The following CABIN1 variants were observed in gnomAD, a reference collection of about 807,000 sequenced individuals.
CABIN1 encodes the protein calcineurin binding protein 1.
Under a neutral mutation model 227.7 loss-of-function variants are expected in CABIN1, and 133 were observed. The observed-to-expected ratio is 0.58, with a 90% CI of 0.51 to 0.67. The LOEUF is 0.67. Ranked by LOEUF, CABIN1 falls within the 30% of genes least tolerant of loss-of-function variation. The probability of loss-of-function intolerance (pLI) is 0.00; values close to 1 mark genes in which losing one functional copy is unlikely to be tolerated. For missense variants in CABIN1, 2,408 were observed against 2,852.5 expected (o/e 0.84, Z 3.55); for synonymous variants, 1,086 against 1,155.1 (o/e 0.94, Z 1.21).
chr22:24,035,891 C>G (rs1458249790), intron 2 of CABIN1, among the ~76,000 whole-genome samples, 198 bp from the exon 3 acceptor site: 1 of 115,394 alleles, frequency 8.7e-6, no homozygotes, highest in Non-Finnish European at 1.8e-5. Context: ...CCCCCCTCGG[C>G]CCCCCACCCC....
chr22:24,050,835 A>G lies in CABIN1; in HGVS notation c.667A>G (p.Ile223Val). The G allele has an allele frequency of 6.2e-7, 1 of 1,614,204 alleles. No homozygotes were observed. ...CTCACATGCTTTTAGTGACATGTCG[A>G]TTCACGATGTTTCGGTGAGTGCAGC... Reference protein sequence around the residue: ...LRMFLKCDMSIHDVSVSAAET... With the variant: ...LRMFLKCDMSVHDVSVSAAET... Residue 223 changes from isoleucine (I) to valine (V), a missense_variant, in exon 8 of 37, where the codon ATT (isoleucine) becomes GTT (valine). Coordinates refer to ENST00000263119, the MANE Select transcript of CABIN1 (RefSeq NM_012295.4).
Position 24,055,067 on chromosome 22 carries a change from C to T in CABIN1, c.1001C>T (p.Ala334Val). 1 of 1,614,256 alleles carries T rather than the reference C, an allele frequency of 6.2e-7. No homozygotes were observed. The highest frequency in any genetic ancestry group is 8.5e-7 in the Non-Finnish European group (1 of 1,180,038). ...PSTVSTNPAVAVAEPVVSYTS... is the reference protein window; with the variant it reads ...PSTVSTNPAVVVAEPVVSYTS... ...ACTGTCAGCACCAACCCAGCTGTGG[C>T]TGTCGCCGAGCCTGTGGTCTCCTAC... The change falls in exon 9 of 37, where the codon GCT becomes GTT. Residue 334 changes from alanine (A) to valine (V), a missense_variant. By Grantham distance (64) the Ala-to-Val change is moderately conservative (BLOSUM62 0). Coordinates refer to ENST00000263119, the MANE Select transcript of CABIN1 (RefSeq NM_012295.4).
chr22:24,156,826 T>G (rs1466260406), intron 29 of CABIN1, among the ~76,000 whole-genome samples: 4 of 151,942 alleles, frequency 2.6e-5, no homozygotes, highest in Non-Finnish European at 1.5e-5. Flanking sequence ...TCCCATGCAC[T>G]TGGTTGTTTG....
Position 24,165,640 on chromosome 22 carries a change from GTCC to G in CABIN1, c.5007+20_5007+22del, listed in dbSNP as rs753566257. ...GAGCTCGCAGAGGTATGCCACCTGT[GTCC>G]TCCTCTCCTCCACGGCCCATGAACA... On this transcript the variant is annotated intron_variant, in intron 31 of 36. Transcript: ENST00000263119. The G allele has an allele frequency of 8.1e-6, 13 of 1,606,598 alleles. No homozygotes were observed. In the East Asian group the frequency reaches 1.8e-4, roughly 22 times the overall value.
At position 24,047,966 on chromosome 22, in the gene CABIN1, C is replaced by T. The variant is rs190555608; in HGVS notation, c.527-1125C>T. Among the ~76,000 whole-genome samples the T allele has an allele frequency of 2.0e-4, 31 of 152,342 alleles. 1 individual carries two copies. The highest frequency in any genetic ancestry group is 1.9e-3 in the Admixed American group (29 of 15,304). Reference sequence around the variant, plus strand: ...TGTTCCCAATTACAAGTGCTGAAAGCTTTTGTAATTTATATCATAGTTCTG... The same window carrying T: ...TGTTCCCAATTACAAGTGCTGAAAGTTTTTGTAATTTATATCATAGTTCTG... On this transcript the variant is annotated intron_variant, in intron 6 of 36. Transcript: ENST00000263119.
At chr22:24,091,881 G>C (rs761694539) in intron 24 of CABIN1, 38 bp downstream of exon 24, 1 of 1,606,902 alleles carries the variant, frequency 6.2e-7, no homozygotes, top group Non-Finnish European at 8.5e-7. Context: ...AAGCAGGGCA[G>C]GGGCAGGCTG....
At chr22:24,077,789 C>T (rs887326486) in intron 19 of CABIN1, among the ~76,000 whole-genome samples, 1 of 152,112 alleles carries the variant, frequency 6.6e-6, no homozygotes, top group Non-Finnish European at 1.5e-5. Context: ...TGAGTTAATA[C>T]CTTAGGCTAG....
intron 26 of CABIN1, among the ~76,000 whole-genome samples, chr22:24,108,376 G>C (rs555713447): frequency 3.9e-5 from 6 of 152,192 alleles, no homozygotes; most frequent in Non-Finnish European, 8.8e-5. Context: ...TCATGCTGGG[G>C]ACTCAAGTTT....
intron 9 of CABIN1, 141 bp downstream of exon 9, chr22:24,055,300 A>G: frequency 9.9e-7 from 1 of 1,011,872 alleles, no homozygotes; most frequent in Non-Finnish European, 1.4e-6. Flanking sequence ...GGGAGCCCCC[A>G]GCCCTAGAGG....
intron 29 of CABIN1, among the ~76,000 whole-genome samples, chr22:24,146,366 C>G (rs1162395713): frequency 6.6e-6 from 1 of 152,240 alleles, no homozygotes; most frequent in Non-Finnish European, 1.5e-5. Flanking sequence ...TCCTTCCTTC[C>G]CACATCCTGG....
intron 19 of CABIN1, among the ~76,000 whole-genome samples, chr22:24,081,799 G>T (rs1459834422): frequency 6.6e-6 from 1 of 151,976 alleles, no homozygotes; most frequent in South Asian, 2.1e-4. Flanking sequence ...GGCTGAGGCG[G>T]GTGGATCACC....
intron 19 of CABIN1, among the ~76,000 whole-genome samples, chr22:24,080,287 T>A (rs980623170): frequency 4.6e-5 from 7 of 152,222 alleles, no homozygotes; most frequent in African/African-American, 1.4e-4. Flanking sequence ...TACTGAATTG[T>A]CTTTGAGAGA....
intron 30 of CABIN1, 122 bp downstream of exon 30, chr22:24,164,685 A>G: frequency 8.7e-7 from 1 of 1,154,830 alleles, no homozygotes. Flanking sequence ...AGCCTGGACC[A>G]GCTCTTCATT....
Position 24,036,288 on chromosome 22 carries a change from T to G in CABIN1, c.96+107T>G, listed in dbSNP as rs925958554. On this transcript the variant is annotated intron_variant, in intron 3 of 36. Transcript: ENST00000263119. ...TCCTCAGTGGGGCTTTAGGGGGAAATTCCATTTTGAAAGATGGCTAGCTCT... is the reference window on the plus strand; with the variant it reads ...TCCTCAGTGGGGCTTTAGGGGGAAAGTCCATTTTGAAAGATGGCTAGCTCT... The G allele has an allele frequency of 4.8e-6, 4 of 827,770 alleles. No individual in the cohort carries two copies. The African/African-American group carries it at 6.7e-5, about 14-fold the overall frequency. The allele number at this position is 827,770 out of a possible 1,614,324, so 51.3% of individuals were successfully genotyped here. A position where few individuals can be genotyped will look rare whatever the true frequency, so the allele number is the denominator to read the frequency against.
chr22:24,170,544 C>G (rs1438962537), intron 33 of CABIN1, among the ~76,000 whole-genome samples: 1 of 152,168 alleles, frequency 6.6e-6, no homozygotes, highest in African/African-American at 2.4e-5. Context: ...GCCCGAGAGA[C>G]AGGTCTGTCC....
At chr22:24,169,293 T>G (rs1482670157) in intron 33 of CABIN1, among the ~76,000 whole-genome samples, 6 of 152,142 alleles carry the variant, frequency 3.9e-5, no homozygotes, top group African/African-American at 1.2e-4. Context: ...GGTGCAGTCT[T>G]TTGTCCCCAG....
rs578080283 is a variant in CABIN1 at position 24,078,204 on chromosome 22, C to A, written c.2748+1920C>A. ...TTGTTTCTGTCATGTGCCCCTCCCC[C>A]ACCAGCTAGCATCCCTGGGACCAGG... On this transcript the variant is annotated intron_variant, in intron 19 of 36. Coordinates refer to ENST00000263119, the MANE Select transcript of CABIN1 (RefSeq NM_012295.4). Among the ~76,000 whole-genome samples, 13 of 152,290 alleles carry A rather than the reference C, an allele frequency of 8.5e-5. No individual in the cohort carries two copies. The East Asian group carries it at 2.5e-3, about 29-fold the overall frequency.
chr22:24,104,510 G>T (rs892718396), intron 26 of CABIN1, among the ~76,000 whole-genome samples: 8 of 152,218 alleles, frequency 5.3e-5, no homozygotes, highest in Non-Finnish European at 8.8e-5. Flanking sequence ...GCAGTGCTCA[G>T]TTGGCCCTCA....
intron 29 of CABIN1, among the ~76,000 whole-genome samples, chr22:24,142,944 C>T (rs2044862448): frequency 6.6e-6 from 1 of 152,088 alleles, no homozygotes; most frequent in South Asian, 2.1e-4. Context: ...ATTTTCATGC[C>T]ACCGCTGCTT....
Sources: allele counts gnomAD v4.1 joint callset (sites outside exome capture counted in the v4.1 genomes callset), GRCh38; gene constraint gnomAD v4.1.1; transcripts MANE v1.5; gene names NCBI Gene and HGNC (gene_info 2026-07-23, HGNC 2026-07-21).